Variants in CAST observed in about 807,000 individuals in gnomAD.
CAST encodes the protein MIR583 host.
CAST carries 76 observed loss-of-function variants against 119.6 expected under a neutral mutation model. The ratio of observed to expected loss-of-function variants is 0.64; its 90% CI spans 0.53 to 0.77. CAST has a LOEUF of 0.77. Ranked by LOEUF, CAST falls within the 30% of genes least tolerant of loss-of-function variation. CAST has a pLI of 0.00. For missense variants in CAST, 953 were observed against 946.5 expected (o/e 1.01, Z -0.09); for synonymous variants, 319 against 331.6 (o/e 0.96, Z 0.41).
chr5:96,706,565 C>T (rs1398062588), intron 3 of CAST, among the ~76,000 whole-genome samples: 6 of 152,188 alleles, frequency 3.9e-5, no homozygotes, highest in Non-Finnish European at 7.3e-5. Flanking sequence ...AAGGCTAAAG[C>T]AGAAAATGCC....
chr5:96,317,809 T>C, the CAST span, among the ~76,000 whole-genome samples: 33 of 152,254 alleles, frequency 2.2e-4, no homozygotes, highest in African/African-American at 7.5e-4. Flanking sequence ...ATGGGTGTTT[T>C]TTTAGGAAAC....
the CAST span, among the ~76,000 whole-genome samples, chr5:96,305,330 T>G: frequency 1.3e-5 from 2 of 152,242 alleles, no homozygotes; most frequent in Non-Finnish European, 2.9e-5. Flanking sequence ...CTGAAGTTGC[T>G]TATCAGCGTA....
chr5:96,443,349 T>C, the CAST span, among the ~76,000 whole-genome samples: 3 of 152,192 alleles, frequency 2.0e-5, no homozygotes, highest in Non-Finnish European at 2.9e-5. Context: ...ATAAAATTTA[T>C]GTATATCAAT....
At chr5:96,439,969 G>T in the CAST span, among the ~76,000 whole-genome samples, 4 of 152,152 alleles carry the variant, frequency 2.6e-5, no homozygotes, top group African/African-American at 9.6e-5. Context: ...AGAAAACAAA[G>T]GTACTAAAGC....
At chr5:95,967,416 T>TTAAAATAAATAAA in the CAST span, among the ~76,000 whole-genome samples, 75,021 of 144,126 alleles carry the variant, frequency 0.52, 20,304 homozygotes, top group Non-Finnish European at 0.56. Context: ...GACCCTATCT[T>TTAAAATAAATAAA]TAAATAAATA....
the CAST span, among the ~76,000 whole-genome samples, chr5:96,191,171 TA>T: frequency 1.3e-5 from 2 of 152,234 alleles, no homozygotes; most frequent in Non-Finnish European, 1.5e-5. Context: ...CTGAGTATTT[TA>T]GCATGTGCTA....
the CAST span, among the ~76,000 whole-genome samples, chr5:96,504,888 C>T: frequency 6.6e-6 from 1 of 152,154 alleles, no homozygotes; most frequent in Admixed American, 6.5e-5. Context: ...GCCTTTGTGT[C>T]TAGTGTGTTT....
chr5:96,395,601 A>G, the CAST span, among the ~76,000 whole-genome samples: 10 of 152,260 alleles, frequency 6.6e-5, no homozygotes, highest in East Asian at 7.7e-4. Context: ...GTGGGAACAT[A>G]TGGGCACAGG....
the CAST span, chr5:96,416,170 T>C: frequency 7.9e-7 from 1 of 1,261,774 alleles, no homozygotes; most frequent in African/African-American, 1.5e-5. Context: ...GAACAAACAT[T>C]TGTTTTGCAT....
At chr5:95,979,294 C>T in the CAST span, among the ~76,000 whole-genome samples, 3 of 152,074 alleles carry the variant, frequency 2.0e-5, no homozygotes, top group Non-Finnish European at 4.4e-5. Flanking sequence ...TGGGGTCATG[C>T]TACAGATAAA....
chr5:96,693,594 C>T (rs1021932668), intron 2 of CAST, among the ~76,000 whole-genome samples: 1 of 152,160 alleles, frequency 6.6e-6, no homozygotes, highest in South Asian at 2.1e-4. Flanking sequence ...TCAGTTTCCT[C>T]GCTGGAAAAT....
chr5:96,607,452 G>A (rs557097808), intron 1 of CAST, among the ~76,000 whole-genome samples: 2 of 152,240 alleles, frequency 1.3e-5, no homozygotes, highest in African/African-American at 4.8e-5. Context: ...ATTTAATAAA[G>A]GAGGGAATAT....
the CAST span, among the ~76,000 whole-genome samples, chr5:96,481,148 T>A: frequency 3.2e-4 from 49 of 151,336 alleles, no homozygotes; most frequent in African/African-American, 1.1e-3. Flanking sequence ...TTAGAAGAAA[T>A]AATCACTAAC....
chr5:96,566,818 C>A (rs957571809), intron 1 of CAST, among the ~76,000 whole-genome samples: 1 of 152,160 alleles, frequency 6.6e-6, no homozygotes, highest in African/African-American at 2.4e-5. Context: ...TAAAAAACTG[C>A]CACAACTTTG....
chr5:96,553,659 C>T (rs956507700), intron 1 of CAST, among the ~76,000 whole-genome samples: 6 of 152,150 alleles, frequency 3.9e-5, no homozygotes, highest in East Asian at 1.9e-4. Flanking sequence ...AAAACCCCAT[C>T]GTCTCAGCCC....
At chr5:96,765,389 A>C in intron 26 of CAST, 64 bp downstream of exon 26, 1 of 778,026 alleles carries the variant, frequency 1.3e-6, no homozygotes, top group Non-Finnish European at 2.2e-6. Context: ...TTGGGTCTTG[A>C]CTCTGTCATT....
chr5:96,743,032 A>G (rs1346288161), intron 16 of CAST, among the ~76,000 whole-genome samples: 2 of 152,232 alleles, frequency 1.3e-5, no homozygotes, highest in African/African-American at 4.8e-5. Context: ...CAAGGAGGCA[A>G]TGCCTGGTGG....
chr5:96,671,928 C>G (rs1262457986), intron 1 of CAST, among the ~76,000 whole-genome samples: 1 of 152,168 alleles, frequency 6.6e-6, no homozygotes, highest in Non-Finnish European at 1.5e-5. Context: ...TTTCATGAAT[C>G]TCTCTCAGTG....
chr5:96,622,185 G>T (rs1747622893), intron 1 of CAST, among the ~76,000 whole-genome samples: 1 of 151,828 alleles, frequency 6.6e-6, no homozygotes, highest in Non-Finnish European at 1.5e-5. Flanking sequence ...GGCCAGGACG[G>T]TCTCTATCTC....
Sources: gnomAD v4.1 joint callset for allele counts (sites outside exome capture counted in the v4.1 genomes callset) on GRCh38, gnomAD v4.1.1 for gene constraint, MANE v1.5 for transcripts, NCBI Gene and HGNC (gene_info 2026-07-23, HGNC 2026-07-21) for gene names.